ATRN: variants seen among roughly 807,000 people sequenced by gnomAD.
ATRN encodes attractin.
Under a neutral mutation model 178.7 loss-of-function variants are expected in ATRN, and 54 were observed. That is an observed-to-expected ratio of 0.30 (90% CI 0.24 to 0.38). The LOEUF (loss-of-function observed/expected upper bound fraction) is 0.38, where lower values mean the gene tolerates loss of function less well. ATRN is among the 10% of genes least tolerant of loss of function. The pLI is 1.00. For missense variants in ATRN, 1,443 were observed against 1,815.1 expected (o/e 0.79, Z 3.73); for synonymous variants, 636 against 663.0 (o/e 0.96, Z 0.63).
chr20:3,605,107 A>G (rs372498586), intron 24 of ATRN, among the ~76,000 whole-genome samples: 1 of 152,228 alleles, frequency 6.6e-6, no homozygotes, highest in East Asian at 1.9e-4. Flanking sequence ...GCCAATGTTC[A>G]GAAGCATAAT....
rs1038224595 is a variant in ATRN, at chr20:3,649,208, A to C, written c.*2361A>C. On this transcript the variant is annotated 3_prime_UTR_variant, in exon 29 of 29. Transcript: ENST00000262919. Reference sequence around the variant, plus strand: ...GGCGCTGGGCTCGGAGCCTGTTTCCAAGAAGGAATTGGTTGTCATCTGGCA... The same window carrying C: ...GGCGCTGGGCTCGGAGCCTGTTTCCCAGAAGGAATTGGTTGTCATCTGGCA... 1 of 152,628 alleles carries C rather than the reference A, an allele frequency of 6.6e-6. No homozygotes were observed. The highest frequency in any genetic ancestry group is 1.9e-4 in the East Asian group (1 of 5,174). The allele number at this position is 152,628 out of a possible 1,614,324, so 9.5% of individuals were successfully genotyped here.
Position 3,634,252 on chromosome 20 carries a change from A to G in ATRN, c.3864-59A>G, listed in dbSNP as rs575549986. Reference sequence around the variant, plus strand: ...TCACTGCCTGGCCTGAGGTGTGGGCAACGGTGGGAGCTGATTCTGGGGGCT... The same window carrying G: ...TCACTGCCTGGCCTGAGGTGTGGGCGACGGTGGGAGCTGATTCTGGGGGCT... On this transcript the variant is annotated intron_variant, in intron 25 of 28. Coordinates refer to ENST00000262919, the MANE Select transcript of ATRN (RefSeq NM_139321.3). The G allele has an allele frequency of 5.8e-6, 9 of 1,541,976 alleles. No individual in the cohort carries two copies. The South Asian group carries it at 8.0e-5, about 14-fold the overall frequency.
At chr20:3,569,339 G>A (rs922505765) in intron 11 of ATRN, among the ~76,000 whole-genome samples, 29 of 152,260 alleles carry the variant, frequency 1.9e-4, no homozygotes, top group African/African-American at 7.0e-4. Context: ...TGTGCAGCAT[G>A]TTACTATACT....
chr20:3,610,374 A>G (rs1229938343), intron 24 of ATRN, among the ~76,000 whole-genome samples: 1 of 152,136 alleles, frequency 6.6e-6, no homozygotes, highest in Non-Finnish European at 1.5e-5. Context: ...ATCTATAGGT[A>G]GATCCCAGAA....
intron 1 of ATRN, among the ~76,000 whole-genome samples, chr20:3,520,175 G>A (rs1031021430): frequency 6.6e-6 from 1 of 152,108 alleles, no homozygotes; most frequent in East Asian, 1.9e-4. Flanking sequence ...AATGAGTATT[G>A]AGCTGTCTCT....
At chr20:3,611,050 CAG>C (rs1261687434) in intron 24 of ATRN, among the ~76,000 whole-genome samples, 9 of 152,116 alleles carry the variant, frequency 5.9e-5, no homozygotes, top group Non-Finnish European at 1.3e-4. Context: ...ATATTGATCA[CAG>C]ATCTAAATGT....
intron 6 of ATRN, among the ~76,000 whole-genome samples, chr20:3,556,342 AAAAT>A (rs1453333883): frequency 6.6e-6 from 1 of 152,230 alleles, no homozygotes; most frequent in Non-Finnish European, 1.5e-5. Context: ...GTATCCAAGA[AAAAT>A]AAAGTCATTG....
intron 8 of ATRN, among the ~76,000 whole-genome samples, 156 bp from the exon 9 acceptor site, chr20:3,562,120 A>G (rs1732338112): frequency 6.6e-6 from 1 of 152,240 alleles, no homozygotes; most frequent in African/African-American, 2.4e-5. Flanking sequence ...TGGCTTTGTT[A>G]TAAGTTTTAG....
At chr20:3,504,055 C>G (rs551754776) in intron 1 of ATRN, among the ~76,000 whole-genome samples, 4 of 152,218 alleles carry the variant, frequency 2.6e-5, no homozygotes, top group African/African-American at 9.6e-5. Flanking sequence ...TGTTACATTA[C>G]CTATAGGGAA....
intron 1 of ATRN, among the ~76,000 whole-genome samples, chr20:3,509,801 G>A (rs1160173972): frequency 1.3e-5 from 2 of 152,134 alleles, no homozygotes; most frequent in Non-Finnish European, 2.9e-5. Context: ...ACCACGCCCA[G>A]CCACAAATTT....
chr20:3,629,286 C>T lies in ATRN; in HGVS notation c.3863+4714C>T, dbSNP rs16988772. The T allele has an allele frequency of 2.7e-3, 2,637 of 985,338 alleles. 55 individuals carry two copies. The African/African-American group carries it at 0.043, about 16-fold the overall frequency. The allele number at this position is 985,338 out of a possible 1,614,324, so 61.0% of individuals were successfully genotyped here. Reference sequence around the variant, plus strand: ...CTGTCGTATCTAAAATAAAATTCAGCGTCCTGGGTGAACTGGCGTCCGCTT... The same window carrying T: ...CTGTCGTATCTAAAATAAAATTCAGTGTCCTGGGTGAACTGGCGTCCGCTT... On this transcript the variant is annotated intron_variant, in intron 25 of 28. Transcript: ENST00000262919.
intron 1 of ATRN, among the ~76,000 whole-genome samples, chr20:3,529,305 T>A (rs1003287423): frequency 6.6e-6 from 1 of 152,222 alleles, no homozygotes; most frequent in Non-Finnish European, 1.5e-5. Flanking sequence ...CTTAAAAATT[T>A]AAGTGCATAT....
In ATRN at chr20:3,562,411, A is replaced by G. The variant is rs1048414871; in HGVS notation, c.1583A>G (p.Tyr528Cys). Residue 528 changes from tyrosine to cysteine, a missense_variant, in exon 9 of 29, where the codon TAC (tyrosine) becomes TGC (cysteine). Coordinates refer to ENST00000262919, the MANE Select transcript of ATRN (RefSeq NM_139321.3). ...GGYKAFSANK[Y>C]RLADDLYRYD... Reference sequence around the variant, plus strand: ...TACAAGGCTTTCAGTGCCAATAAGTACCGGCTTGCAGATGATCTCTACCGA... The same window carrying G: ...TACAAGGCTTTCAGTGCCAATAAGTGCCGGCTTGCAGATGATCTCTACCGA... 2 of 1,614,060 alleles carry G rather than the reference A, an allele frequency of 1.2e-6. No individual in the cohort carries two copies. The highest frequency in any genetic ancestry group is 1.7e-6 in the Non-Finnish European group (2 of 1,180,040).
chr20:3,487,247 AT>A (rs2084706826), intron 1 of ATRN, among the ~76,000 whole-genome samples: 2 of 151,800 alleles, frequency 1.3e-5, no homozygotes, highest in Admixed American at 6.6e-5. Context: ...TAATTAATTA[AT>A]TTTTTGAGAC....
rs1297688286 is a variant in ATRN, at chr20:3,648,208, G to A, written c.*1361G>A. The stretch of plus-strand genomic sequence containing the variant: ...CACCCACCCTCCCTCTCAGACCAAG[G>A]TGGTGGCTGTGAGGAGGGCAGCAAA... On this transcript the variant is annotated 3_prime_UTR_variant, in exon 29 of 29. Transcript: ENST00000262919. 1 of 133,620 alleles carries A rather than the reference G, an allele frequency of 7.5e-6. No individual in the cohort carries two copies. The highest frequency in any genetic ancestry group is 1.6e-5 in the Non-Finnish European group (1 of 62,554). 8.3% of individuals were successfully genotyped at this position (133,620 alleles called of 1,614,324 possible).
At chr20:3,547,147 T>C in intron 4 of ATRN, 137 bp from the exon 5 acceptor site, 1 of 719,358 alleles carries the variant, frequency 1.4e-6, no homozygotes, top group Non-Finnish European at 2.4e-6. Context: ...CCATTTGGAC[T>C]GAATCCTTAA....
intron 23 of ATRN, among the ~76,000 whole-genome samples, chr20:3,601,894 G>T (rs2086615485): frequency 6.7e-6 from 1 of 150,318 alleles, no homozygotes; most frequent in African/African-American, 2.4e-5. Context: ...AAAGAAAAAA[G>T]GATAATCACT....
intron 16 of ATRN, among the ~76,000 whole-genome samples, chr20:3,582,745 CAAGT>C (rs2086298401): frequency 6.6e-6 from 1 of 152,094 alleles, no homozygotes; most frequent in East Asian, 1.9e-4. Flanking sequence ...GTAAAGCAAG[CAAGT>C]GACTGCAGGG....
chr20:3,580,128 A>G (rs1270840882), intron 15 of ATRN, among the ~76,000 whole-genome samples: 2 of 151,976 alleles, frequency 1.3e-5, no homozygotes, highest in South Asian at 2.1e-4. Flanking sequence ...TTCTCTTTCC[A>G]TGTCCAAATG....
Sources: gnomAD v4.1 joint callset for allele counts (sites outside exome capture counted in the v4.1 genomes callset) on GRCh38, gnomAD v4.1.1 for gene constraint, MANE v1.5 for transcripts, NCBI Gene and HGNC (gene_info 2026-07-23, HGNC 2026-07-21) for gene names.